DTX4: variants seen among roughly 807,000 people sequenced by gnomAD.
The protein encoded by DTX4 is E3 ubiquitin-protein ligase DTX4.
In DTX4, 28 loss-of-function variants were observed where a neutral mutation model predicts 57.6. That is an observed-to-expected ratio of 0.49 (90% CI 0.36 to 0.67). The LOEUF is 0.67. DTX4 is among the 30% of genes least tolerant of loss of function. DTX4 has a pLI of 0.00. For synonymous variants in DTX4, 316 were observed against 331.0 expected, an observed-to-expected ratio of 0.95 and a Z score of 0.49; for missense variants, 715 against 836.8, an observed-to-expected ratio of 0.85 and a Z score of 1.80.
rs1412393714 is a variant in DTX4 at position 59,206,508 on chromosome 11, C to CATATATATATATATATAT, written c.*1599_*1600insATATATATATATATATAT. On this transcript the variant is annotated 3_prime_UTR_variant, in exon 9 of 9. Coordinates refer to ENST00000227451, the MANE Select transcript of DTX4 (RefSeq NM_015177.2). ...TATACCTCATGTTTTGGGGGTTTGACGTATATATATATATATATATATGCA... is the reference window on the plus strand; with the variant it reads ...TATACCTCATGTTTTGGGGGTTTGACATATATATATATATATATGTATATATATATATATATATATGCA... 2.5e-4 allele frequency: 19 copies of CATATATATATATATATAT among 75,704 alleles called. No homozygotes were observed. The highest frequency in any genetic ancestry group is 1.3e-3 in the South Asian group (3 of 2,352). 4.7% of individuals were successfully genotyped at this position (75,704 alleles called of 1,614,324 possible).
In DTX4 at chr11:59,204,935, G is replaced by C. The variant is rs779299976; in HGVS notation, c.*26G>C. Reference sequence around the variant, plus strand: ...GGCCAGAAAAGCTTTGAGGTGGGAGGGGCCATGGAGACTGCAGGACAGGAA... The same window carrying C: ...GGCCAGAAAAGCTTTGAGGTGGGAGCGGCCATGGAGACTGCAGGACAGGAA... On this transcript the variant is annotated 3_prime_UTR_variant, in exon 9 of 9. Transcript: ENST00000227451. 1.3e-6 allele frequency: 2 copies of C among 1,546,922 alleles called. No individual in the cohort carries two copies. Among genetic ancestry groups the C allele is most frequent in the East Asian group, 2.4e-5 (1 of 41,236 alleles).
At chr11:59,197,685 C>G (rs370494859) in intron 7 of DTX4, among the ~76,000 whole-genome samples, 1 of 152,068 alleles carries the variant, frequency 6.6e-6, no homozygotes, top group East Asian at 1.9e-4. Flanking sequence ...GAATGGGGCT[C>G]GAACAAGGGA....
rs1231026119 is a variant in DTX4 at position 59,189,261 on chromosome 11, T to C, written c.1097T>C (p.Ile366Thr). The C allele has an allele frequency of 1.9e-6, 3 of 1,598,852 alleles. No individual in the cohort carries two copies. The highest frequency in any genetic ancestry group is 2.6e-6 in the Non-Finnish European group (3 of 1,173,126). Residue 366 changes from isoleucine to threonine, a missense_variant, in exon 4 of 9, where the codon ATA becomes ACA. Transcript: ENST00000227451. Reference protein sequence around the residue: ...LHPPPVSKSEIKSIPGVSNTS... With the variant: ...LHPPPVSKSETKSIPGVSNTS... ...CCACCCCCCGTCAGCAAGAGTGAAA[T>C]AAAATCCATCCCAGGGGTTTCCAAC...
At chr11:59,187,931 G>C (rs1228464847) in intron 2 of DTX4, among the ~76,000 whole-genome samples, 2 of 152,212 alleles carry the variant, frequency 1.3e-5, no homozygotes, top group Non-Finnish European at 2.9e-5. Flanking sequence ...CAAATGTTAG[G>C]CTGGGGATTG....
Position 59,199,759 on chromosome 11 carries a change from G to C in DTX4, c.1612G>C (p.Glu538Gln), listed in dbSNP as rs952818244. 2 of 1,562,360 alleles carry C rather than the reference G, an allele frequency of 1.3e-6. No individual in the cohort carries two copies. Among genetic ancestry groups the C allele is most frequent in the Non-Finnish European group, 1.7e-6 (2 of 1,152,890 alleles). The change falls in exon 8 of 9, where the codon GAG becomes CAG. Residue 538 changes from glutamate to glutamine, a missense_variant. By Grantham distance (29) the Glu-to-Gln change is conservative (BLOSUM62 2). Coordinates refer to ENST00000227451, the MANE Select transcript of DTX4 (RefSeq NM_015177.2). The stretch of plus-strand genomic sequence containing the variant: ...ACGACACTGTTACCTTCCGGACAGC[G>C]AGAAAGGGAGAAAAGTAAGACCGGA... Reference protein sequence around the residue: ...FPRHCYLPDSEKGRKVLKLLL... With the variant: ...FPRHCYLPDSQKGRKVLKLLL...
In DTX4 at chr11:59,208,434, G is replaced by C. The variant is rs1862844113; in HGVS notation, c.*3525G>C. ...AACGTGTGGGAGAAAAACACTTTTAGAATCACGAATATTCACTTTTAAAGG... is the reference window on the plus strand; with the variant it reads ...AACGTGTGGGAGAAAAACACTTTTACAATCACGAATATTCACTTTTAAAGG... On this transcript the variant is annotated 3_prime_UTR_variant, in exon 9 of 9. Transcript: ENST00000227451. The C allele has an allele frequency of 6.6e-6, 1 of 152,174 alleles. No individual in the cohort carries two copies. The highest frequency in any genetic ancestry group is 2.4e-5 in the African/African-American group (1 of 41,438). The allele number at this position is 152,174 out of a possible 1,614,324, so 9.4% of individuals were successfully genotyped here. A position where few individuals can be genotyped will look rare whatever the true frequency, so the allele number is the denominator to read the frequency against.
Position 59,172,203 on chromosome 11 carries a change from G to T in DTX4, c.-393G>T, listed in dbSNP as rs1473898754. ...AGGCCGAGGCGCAACTGGTGCGAGG[G>T]CTGGGTCCTTGCCTCGCCGTCAGCC... is the stretch of plus-strand genomic sequence containing the variant. On this transcript the variant is annotated 5_prime_UTR_variant, in exon 1 of 9. Transcript: ENST00000227451. Among the ~76,000 whole-genome samples the T allele has an allele frequency of 6.6e-6, 1 of 152,116 alleles. No homozygotes were observed. The highest frequency in any genetic ancestry group is 1.5e-5 in the Non-Finnish European group (1 of 67,988).
At position 59,189,238 on chromosome 11, in the gene DTX4, A is replaced by T. The variant is rs1233502357; in HGVS notation, c.1074A>T (p.Pro358=). 8 of 1,609,514 alleles carry T rather than the reference A, an allele frequency of 5.0e-6. No individual in the cohort carries two copies. The South Asian group carries it at 6.6e-5, about 13-fold the overall frequency. The change falls in exon 4 of 9, where the codon CCA becomes CCT. Residue 358 remains proline (P), a synonymous_variant. Coordinates refer to ENST00000227451, the MANE Select transcript of DTX4 (RefSeq NM_015177.2). ...LTRPPKLVLH[P]PPVSKSEIKS... ...GGCCACCAAAGCTGGTCCTACACCC[A>T]CCCCCCGTCAGCAAGAGTGAAATAA... is the stretch of plus-strand genomic sequence containing the variant.
chr11:59,187,582 C>T (rs905437871), intron 2 of DTX4, among the ~76,000 whole-genome samples: 1 of 152,236 alleles, frequency 6.6e-6, no homozygotes, highest in Non-Finnish European at 1.5e-5. Context: ...TTTTCCTCCT[C>T]TTGCTTTCCC....
intron 4 of DTX4, among the ~76,000 whole-genome samples, chr11:59,190,681 A>G (rs538734498): frequency 2.0e-5 from 3 of 152,362 alleles, no homozygotes; most frequent in Admixed American, 6.5e-5. Flanking sequence ...TGTTTCCCAT[A>G]AAAATAATCA....
At chr11:59,196,087 CTG>C (rs1219872338) in intron 7 of DTX4, among the ~76,000 whole-genome samples, 1 of 152,254 alleles carries the variant, frequency 6.6e-6, no homozygotes, top group Non-Finnish European at 1.5e-5. Context: ...GGGCCGTTGA[CTG>C]TATGCATTTC....
chr11:59,195,263 C>T lies in DTX4; in HGVS notation c.1430C>T (p.Thr477Ile). The change falls in exon 7 of 9, where the codon ACC becomes ATC. Residue 477 changes from threonine (T) to isoleucine (I), a missense_variant. Thr to Ile is a moderately conservative substitution (Grantham distance 89). Transcript: ENST00000227451. ...ACCATTTATGGGGTGAAGACAGGCA[C>T]CCAACCTCCAGGGAAGATGGAGTAC... Reference protein sequence around the residue: ...CKTIYGVKTGTQPPGKMEYHL... With the variant: ...CKTIYGVKTGIQPPGKMEYHL... 6.2e-7 allele frequency: 1 copy of T among 1,613,972 alleles called. No homozygotes were observed. The highest frequency in any genetic ancestry group is 8.5e-7 in the Non-Finnish European group (1 of 1,179,884).
chr11:59,177,207 C>CCCA (rs1156650365), intron 1 of DTX4, among the ~76,000 whole-genome samples: 1 of 152,158 alleles, frequency 6.6e-6, no homozygotes, highest in Non-Finnish European at 1.5e-5. Flanking sequence ...TTTGAGTGTA[C>CCCA]CCATGCACCA....
chr11:59,197,181 A>C (rs1038468952), intron 7 of DTX4, among the ~76,000 whole-genome samples: 7 of 152,186 alleles, frequency 4.6e-5, no homozygotes, highest in Non-Finnish European at 1.5e-5. Flanking sequence ...CTGGTCGTCA[A>C]CATCATTTTA....
intron 5 of DTX4, 115 bp downstream of exon 5, chr11:59,191,290 T>G (rs1330242431): frequency 9.3e-7 from 1 of 1,075,054 alleles, no homozygotes; most frequent in Non-Finnish European, 1.4e-6. Flanking sequence ...TTCTCATGGA[T>G]ACAGAACTGG....
At chr11:59,196,537 GTCTT>G (rs1308197073) in intron 7 of DTX4, among the ~76,000 whole-genome samples, 8 of 152,206 alleles carry the variant, frequency 5.3e-5, no homozygotes, top group African/African-American at 1.9e-4. Context: ...TCCTAGCTGA[GTCTT>G]TATTAGCTGG....
intron 2 of DTX4, among the ~76,000 whole-genome samples, chr11:59,183,007 G>T (rs527837657): frequency 6.6e-6 from 1 of 152,202 alleles, no homozygotes; most frequent in African/African-American, 2.4e-5. Flanking sequence ...TGTAGTTTGG[G>T]GCTTTACATC....
intron 7 of DTX4, among the ~76,000 whole-genome samples, chr11:59,195,593 C>T (rs1382679423): frequency 6.6e-6 from 1 of 152,102 alleles, no homozygotes; most frequent in African/African-American, 2.4e-5. Flanking sequence ...AAATCGCATC[C>T]ACCCTTCCCT....
At chr11:59,191,273 T>G in intron 5 of DTX4, 98 bp downstream of exon 5, 1 of 1,245,880 alleles carries the variant, frequency 8.0e-7, no homozygotes, top group Non-Finnish European at 1.1e-6. Flanking sequence ...GGGGGCTGCA[T>G]TCCAAGTTCT....
Sources: gnomAD v4.1 joint callset for allele counts (sites outside exome capture counted in the v4.1 genomes callset) on GRCh38, gnomAD v4.1.1 for gene constraint, MANE v1.5 for transcripts, NCBI Gene and HGNC (gene_info 2026-07-23, HGNC 2026-07-21) for gene names.